TRAF3: variants seen among roughly 807,000 people sequenced by gnomAD.
The protein encoded by TRAF3 is TNF receptor associated factor 3.
TRAF3 carries 13 observed loss-of-function variants against 62.3 expected under a neutral mutation model. That is an observed-to-expected ratio of 0.21 (90% CI 0.14 to 0.33). The LOEUF is 0.33. TRAF3 is among the 10% of genes least tolerant of loss of function. The pLI, the probability that TRAF3 is intolerant of heterozygous loss-of-function variation, is 1.00. For missense variants in TRAF3, 440 were observed against 741.8 expected, an observed-to-expected ratio of 0.59 and a Z score of 4.73; for synonymous variants, 269 against 283.4, an observed-to-expected ratio of 0.95 and a Z score of 0.51.
At chr14:102,804,898 A>G (rs1434459300) in intron 1 of TRAF3, among the ~76,000 whole-genome samples, 1 of 152,190 alleles carries the variant, frequency 6.6e-6, no homozygotes, top group Non-Finnish European at 1.5e-5. Flanking sequence ...ACTTCTAAAA[A>G]TCTTTCTGTG....
At chr14:102,892,422 A>G (rs1487471728) in intron 9 of TRAF3, among the ~76,000 whole-genome samples, 1 of 152,184 alleles carries the variant, frequency 6.6e-6, no homozygotes. Context: ...ACCTTCCTCC[A>G]GTAATGCTGG....
intron 1 of TRAF3, among the ~76,000 whole-genome samples, chr14:102,788,101 C>T (rs775172280): frequency 6.6e-6 from 1 of 151,734 alleles, no homozygotes; most frequent in Non-Finnish European, 1.5e-5. Context: ...GGGATCTGCC[C>T]GCCTCAGCCT....
rs191469195 is a variant in TRAF3 at position 102,787,229 on chromosome 14, G to A, written c.-157+9554G>A. ...TGCAAATAAATTATTTATAAAAAGG[G>A]TAAAATGTCTAGAAACTGAAATCAC... On this transcript the variant is annotated intron_variant, in intron 1 of 11. Transcript: ENST00000392745. Among the ~76,000 whole-genome samples the A allele has an allele frequency of 5.3e-3, 814 of 152,180 alleles. 6 individuals carry two copies. The highest frequency in any genetic ancestry group is 0.022 in the South Asian group (108 of 4,822).
At chr14:102,793,158 C>A (rs1242408133) in intron 1 of TRAF3, among the ~76,000 whole-genome samples, 1 of 151,914 alleles carries the variant, frequency 6.6e-6, no homozygotes, top group African/African-American at 2.4e-5. Flanking sequence ...ATCTGGGAAC[C>A]AATCTTTTTT....
chr14:102,833,502 C>T (rs1426555634), intron 2 of TRAF3, among the ~76,000 whole-genome samples: 2 of 152,156 alleles, frequency 1.3e-5, no homozygotes, highest in Non-Finnish European at 2.9e-5. Context: ...AGCGAACACC[C>T]ATATTGTGAG....
intron 1 of TRAF3, among the ~76,000 whole-genome samples, chr14:102,780,236 A>G (rs1423284445): frequency 6.6e-6 from 1 of 152,116 alleles, no homozygotes; most frequent in Non-Finnish European, 1.5e-5. Context: ...GGTACAGGGG[A>G]TAGGTGCCAT....
intron 8 of TRAF3, 138 bp downstream of exon 8, chr14:102,889,772 C>A: frequency 9.5e-7 from 1 of 1,051,526 alleles, no homozygotes; most frequent in Non-Finnish European, 1.4e-6. Context: ...GCATGGGTGA[C>A]GAAAGCCACA....
intron 3 of TRAF3, among the ~76,000 whole-genome samples, chr14:102,871,079 G>A (rs1233772551): frequency 1.3e-5 from 2 of 152,188 alleles, no homozygotes; most frequent in Non-Finnish European, 2.9e-5. Context: ...TGGGTGCTGG[G>A]GTCGCTGCGG....
intron 1 of TRAF3, among the ~76,000 whole-genome samples, chr14:102,791,020 C>CTT (rs559815933): frequency 2.7e-4 from 35 of 129,856 alleles, no homozygotes; most frequent in African/African-American, 8.1e-4. Flanking sequence ...CTTTTCTTTT[C>CTT]TTTTTTTTTT....
At chr14:102,784,512 T>C (rs1394545043) in intron 1 of TRAF3, among the ~76,000 whole-genome samples, 1 of 152,174 alleles carries the variant, frequency 6.6e-6, no homozygotes, top group Non-Finnish European at 1.5e-5. Context: ...CGTGAGGTAC[T>C]GGGCCCCTCT....
rs981972077 is a variant in TRAF3 at position 102,791,695 on chromosome 14, A to G, written c.-157+14020A>G. ...TTTTTCTTGCCTAATTGCTCTGGCTAAGACATTTAGTAAAATTTTGAATAG... is the reference window on the plus strand; with the variant it reads ...TTTTTCTTGCCTAATTGCTCTGGCTGAGACATTTAGTAAAATTTTGAATAG... On this transcript the variant is annotated intron_variant, in intron 1 of 11. Coordinates refer to ENST00000392745, the MANE Select transcript of TRAF3 (RefSeq NM_145725.3). Among the ~76,000 whole-genome samples the G allele has an allele frequency of 2.0e-5, 3 of 152,328 alleles. No individual in the cohort carries two copies. In the South Asian group the frequency reaches 6.2e-4, roughly 32 times the overall value.
At chr14:102,812,761 T>C (rs961724282) in intron 1 of TRAF3, among the ~76,000 whole-genome samples, 1 of 149,968 alleles carries the variant, frequency 6.7e-6, no homozygotes, top group Non-Finnish European at 1.5e-5. Context: ...TTACTAAAAA[T>C]ACGAAAAATT....
intron 1 of TRAF3, among the ~76,000 whole-genome samples, chr14:102,821,144 T>C (rs982443786): frequency 1.3e-5 from 2 of 152,192 alleles, no homozygotes; most frequent in Non-Finnish European, 2.9e-5. Context: ...CTGTGGCTTT[T>C]GATAAGTTGT....
intron 2 of TRAF3, among the ~76,000 whole-genome samples, chr14:102,836,874 G>A (rs1886041949): frequency 6.6e-6 from 1 of 152,028 alleles, no homozygotes. Context: ...AAGACGTCAG[G>A]GAAACCTATC....
At chr14:102,796,643 T>G (rs1272627265) in intron 1 of TRAF3, among the ~76,000 whole-genome samples, 1 of 152,192 alleles carries the variant, frequency 6.6e-6, no homozygotes, top group Non-Finnish European at 1.5e-5. Flanking sequence ...AAACACAGGT[T>G]GAGAGAGTTT....
intron 2 of TRAF3, among the ~76,000 whole-genome samples, chr14:102,867,260 C>G (rs1389977903): frequency 5.9e-5 from 9 of 152,188 alleles, no homozygotes. Context: ...AGTAAATATC[C>G]TAGGCTTTGT....
At chr14:102,896,532 C>T (rs1255712758) in intron 9 of TRAF3, among the ~76,000 whole-genome samples, 2 of 152,144 alleles carry the variant, frequency 1.3e-5, no homozygotes, top group African/African-American at 4.8e-5. Context: ...AGCTTTATGA[C>T]ATCTGTTTTC....
intron 1 of TRAF3, among the ~76,000 whole-genome samples, chr14:102,818,787 T>C (rs940654455): frequency 1.4e-4 from 21 of 152,210 alleles, no homozygotes; most frequent in African/African-American, 5.1e-4. Flanking sequence ...TCATGTATTG[T>C]ATATTTCAAA....
In TRAF3 at chr14:102,871,972, T is replaced by C; in HGVS notation, c.297+4T>C. 6.2e-7 allele frequency: 1 copy of C among 1,614,122 alleles called. No individual in the cohort carries two copies. The highest frequency in any genetic ancestry group is 1.1e-5 in the South Asian group (1 of 91,072). On this transcript the variant is annotated splice_donor_region_variant and intron_variant, in intron 4 of 11. Coordinates refer to ENST00000392745, the MANE Select transcript of TRAF3 (RefSeq NM_145725.3). Reference sequence around the variant, plus strand: ...AGAGAGCATCGTTAAAGATAAGGTATTCTGGGGTTTTTTTTAATCATTTTG... The same window carrying C: ...AGAGAGCATCGTTAAAGATAAGGTACTCTGGGGTTTTTTTTAATCATTTTG...
Sources: allele counts gnomAD v4.1 joint callset (sites outside exome capture counted in the v4.1 genomes callset), GRCh38; gene constraint gnomAD v4.1.1; transcripts MANE v1.5; gene names NCBI Gene and HGNC (gene_info 2026-07-23, HGNC 2026-07-21).